The following CPEB3 variants were observed in gnomAD, a reference collection of about 807,000 sequenced individuals.
The protein encoded by CPEB3 is cytoplasmic polyadenylation element binding protein 3.
A neutral mutation model predicts 67.2 loss-of-function variants in CPEB3; 20 were observed. The ratio of observed to expected loss-of-function variants is 0.30; its 90% CI spans 0.21 to 0.43. The LOEUF (loss-of-function observed/expected upper bound fraction) is 0.43. Ranked by LOEUF, CPEB3 falls within the 20% of genes least tolerant of loss-of-function variation. The pLI, the probability that CPEB3 is intolerant of heterozygous loss-of-function variation, is 1.00. For synonymous variants in CPEB3, 376 were observed against 393.1 expected, an observed-to-expected ratio of 0.96 and a Z score of 0.51; for missense variants, 746 against 968.6, an observed-to-expected ratio of 0.77 and a Z score of 3.05.
intron 1 of CPEB3, among the ~76,000 whole-genome samples, chr10:92,282,643 C>T (rs984903249): frequency 3.9e-5 from 6 of 151,922 alleles, no homozygotes; most frequent in African/African-American, 9.7e-5. Context: ...CAAGACTGCA[C>T]CACTGTACTC....
intron 7 of CPEB3, among the ~76,000 whole-genome samples, chr10:92,107,215 T>C (rs1450079913): frequency 6.6e-6 from 1 of 152,250 alleles, no homozygotes; most frequent in Non-Finnish European, 1.5e-5. Flanking sequence ...TTTAAGTGGA[T>C]GACCACATTA....
chr10:92,109,456 G>A (rs1844625597), intron 7 of CPEB3, among the ~76,000 whole-genome samples: 1 of 152,098 alleles, frequency 6.6e-6, no homozygotes, highest in Non-Finnish European at 1.5e-5. Context: ...GTTTCACCGT[G>A]TTAGCCAGGA....
In CPEB3 at chr10:92,244,598, C is replaced by T. The variant is rs1291921210; in HGVS notation, c.-11-4237G>A. ...GACTACAGGGGCATGCCACCACGCCCGGCTCATTTTTTGTATTTTTAGTAG... is the reference window on the plus strand; with the variant it reads ...GACTACAGGGGCATGCCACCACGCCTGGCTCATTTTTTGTATTTTTAGTAG... On this transcript the variant is annotated intron_variant, in intron 1 of 9. Coordinates refer to ENST00000265997, the MANE Select transcript of CPEB3 (RefSeq NM_014912.5). Among the ~76,000 whole-genome samples, 11 of 151,692 alleles carry T rather than the reference C, an allele frequency of 7.3e-5. No individual in the cohort carries two copies. In the East Asian group the frequency reaches 7.9e-4, roughly 11 times the overall value.
At position 92,046,728 on chromosome 10, in the gene CPEB3, A is replaced by G. The variant is rs1219362111; in HGVS notation, c.*5484T>C. On this transcript the variant is annotated 3_prime_UTR_variant, in exon 10 of 10. Transcript: ENST00000265997. ...ACTAGATTTAATAAGTTGTTATTACAGAAAAAAATGAAGTCCAAACTACAA... is the reference window on the plus strand; with the variant it reads ...ACTAGATTTAATAAGTTGTTATTACGGAAAAAAATGAAGTCCAAACTACAA... 6.6e-6 allele frequency: 1 copy of G among 152,260 alleles called. No individual in the cohort carries two copies. Among genetic ancestry groups the G allele is most frequent in the Non-Finnish European group, 1.5e-5 (1 of 68,052 alleles). The allele number at this position is 152,260 out of a possible 1,614,324, so 9.4% of individuals were successfully genotyped here. A position where few individuals can be genotyped will look rare whatever the true frequency, so the allele number is the denominator to read the frequency against.
chr10:92,109,968 C>T (rs541953821), intron 7 of CPEB3, among the ~76,000 whole-genome samples: 1 of 152,294 alleles, frequency 6.6e-6, no homozygotes, highest in South Asian at 2.1e-4. Context: ...AGTATCTGAC[C>T]TCTACCAAAT....
intron 6 of CPEB3, among the ~76,000 whole-genome samples, chr10:92,128,415 T>C (rs1387670087): frequency 1.3e-5 from 2 of 152,220 alleles, no homozygotes; most frequent in African/African-American, 4.8e-5. Context: ...ACAGATTGGA[T>C]AAGCTTGGCC....
At chr10:92,068,037 A>G (rs1378737732) in intron 9 of CPEB3, among the ~76,000 whole-genome samples, 1 of 152,184 alleles carries the variant, frequency 6.6e-6, no homozygotes, top group African/African-American at 2.4e-5. Context: ...CTCAAGTGCT[A>G]GGGTTATGAA....
intron 9 of CPEB3, among the ~76,000 whole-genome samples, chr10:92,056,770 C>A (rs1230876809): frequency 6.6e-6 from 1 of 152,198 alleles, no homozygotes; most frequent in Non-Finnish European, 1.5e-5. Flanking sequence ...TGGCATCACC[C>A]CTGCCCTAAC....
chr10:92,286,852 G>C (rs1204025321), intron 1 of CPEB3, among the ~76,000 whole-genome samples: 1 of 152,092 alleles, frequency 6.6e-6, no homozygotes, highest in African/African-American at 2.4e-5. Context: ...AAGAACATTA[G>C]AGTGGTATAT....
At position 92,240,168 on chromosome 10, in the gene CPEB3, G is replaced by T. The variant is rs753959123; in HGVS notation, c.183C>A (p.Ala61=). Residue 61 remains alanine, a synonymous_variant, in exon 2 of 10, where the codon GCC becomes GCA. Coordinates refer to ENST00000265997, the MANE Select transcript of CPEB3 (RefSeq NM_014912.5). The part of the protein sequence containing the change: ...SAVPALSPAA[A]PPAPNGPDKM... ...TGTCCGGGCCGTTGGGGGCCGGGGG[G>T]GCAGCGGCTGGGCTGAGGGCCGGCA... 2 of 1,544,086 alleles carry T rather than the reference G, an allele frequency of 1.3e-6. No individual in the cohort carries two copies. The highest frequency in any genetic ancestry group is 2.4e-5 in the East Asian group (1 of 41,942).
At chr10:92,124,217 T>C (rs748337885) in intron 6 of CPEB3, among the ~76,000 whole-genome samples, 5 of 152,224 alleles carry the variant, frequency 3.3e-5, no homozygotes, top group Non-Finnish European at 7.3e-5. Flanking sequence ...TTGAACAAGA[T>C]GTTTCTGTTA....
chr10:92,151,488 T>C (rs1271607017), intron 4 of CPEB3, among the ~76,000 whole-genome samples: 1 of 152,208 alleles, frequency 6.6e-6, no homozygotes, highest in Non-Finnish European at 1.5e-5. Context: ...ATTTCACTTA[T>C]GGTCTCATTT....
chr10:92,258,443 A>C (rs1318774263), intron 1 of CPEB3, among the ~76,000 whole-genome samples: 1 of 151,300 alleles, frequency 6.6e-6, no homozygotes, highest in Admixed American at 6.6e-5. Context: ...TCTTCATCAT[A>C]CCATCATATG....
intron 2 of CPEB3, among the ~76,000 whole-genome samples, chr10:92,207,803 G>A (rs538998767): frequency 2.6e-5 from 4 of 152,056 alleles, no homozygotes; most frequent in African/African-American, 7.2e-5. Flanking sequence ...CCAGGAGGCA[G>A]AGGTTGAAGT....
intron 8 of CPEB3, among the ~76,000 whole-genome samples, chr10:92,090,618 A>C (rs10786028): frequency 0.26 from 39,499 of 152,168 alleles, 6,209 homozygotes; most frequent in Admixed American, 0.36. Flanking sequence ...ACTAGCAATG[A>C]TTGTCCATTT....
At chr10:92,102,239 T>TG (rs1279734112) in intron 7 of CPEB3, among the ~76,000 whole-genome samples, 1 of 152,198 alleles carries the variant, frequency 6.6e-6, no homozygotes, top group African/African-American at 2.4e-5. Flanking sequence ...TGGGTAGCTC[T>TG]GGGGGCTTCA....
At chr10:92,140,605 G>T (rs1846358022) in intron 6 of CPEB3, among the ~76,000 whole-genome samples, 1 of 151,014 alleles carries the variant, frequency 6.6e-6, no homozygotes, top group African/African-American at 2.4e-5. Context: ...AAAAGCAATG[G>T]CAACAAAAGC....
At chr10:92,280,039 G>A (rs914672291) in intron 1 of CPEB3, among the ~76,000 whole-genome samples, 6 of 151,798 alleles carry the variant, frequency 4.0e-5, no homozygotes, top group African/African-American at 1.5e-4. Flanking sequence ...GAAAGAGAGA[G>A]AGAAAGAGAC....
chr10:92,144,846 A>ATCCCCAC, intron 5 of CPEB3, 99 bp downstream of exon 5: 2 of 1,044,542 alleles, frequency 1.9e-6, no homozygotes, highest in Non-Finnish European at 2.9e-6. Context: ...ATGCACTAAG[A>ATCCCCAC]TATAGATGTC....
Sources: gnomAD v4.1 joint callset for allele counts (sites outside exome capture counted in the v4.1 genomes callset) on GRCh38, gnomAD v4.1.1 for gene constraint, MANE v1.5 for transcripts, NCBI Gene and HGNC (gene_info 2026-07-23, HGNC 2026-07-21) for gene names.